ASAP1: variants seen among roughly 807,000 people sequenced by gnomAD.
ASAP1 encodes arf-GAP with SH3 domain, ANK repeat and PH domain-containing protein 1.
A neutral mutation model predicts 145.2 loss-of-function variants in ASAP1; 43 were observed. The ratio of observed to expected loss-of-function variants is 0.30; its 90% CI spans 0.23 to 0.38. The LOEUF (loss-of-function observed/expected upper bound fraction) is 0.38, where lower values mean the gene tolerates loss of function less well. ASAP1 is among the 10% of genes least tolerant of loss of function. ASAP1 has a pLI of 1.00. For synonymous variants in ASAP1, 546 were observed against 515.5 expected (o/e 1.06, Z -0.80); for missense variants, 1,018 against 1,355.3 (o/e 0.75, Z 3.91).
intron 4 of ASAP1, among the ~76,000 whole-genome samples, chr8:130,215,101 C>T (rs1016928036): frequency 6.6e-6 from 1 of 151,892 alleles, no homozygotes. Flanking sequence ...AGGGTTTCAC[C>T]AAGTTGGTGA....
intron 2 of ASAP1, among the ~76,000 whole-genome samples, chr8:130,365,557 C>T (rs796813622): frequency 1.4e-4 from 21 of 152,174 alleles, no homozygotes; most frequent in African/African-American, 4.8e-4. Context: ...TACAATACAC[C>T]CAGGTTTCTT....
At chr8:130,206,850 G>C (rs1816256524) in intron 5 of ASAP1, among the ~76,000 whole-genome samples, 1 of 151,812 alleles carries the variant, frequency 6.6e-6, no homozygotes, top group Admixed American at 6.6e-5. Flanking sequence ...TTGCGGTTTT[G>C]GTATTAAATG....
intron 3 of ASAP1, among the ~76,000 whole-genome samples, chr8:130,338,939 C>T (rs752424853): frequency 2.6e-5 from 4 of 152,172 alleles, no homozygotes; most frequent in Non-Finnish European, 5.9e-5. Context: ...GCTGGGCAGA[C>T]AATCAAAATC....
chr8:130,204,441 A>G (rs1024951761), intron 5 of ASAP1, among the ~76,000 whole-genome samples: 16 of 152,154 alleles, frequency 1.1e-4, no homozygotes, highest in African/African-American at 3.1e-4. Flanking sequence ...CTCTTAAATA[A>G]GGGTAACTAT....
At chr8:130,394,191 G>T (rs527677691) in intron 2 of ASAP1, among the ~76,000 whole-genome samples, 1 of 152,284 alleles carries the variant, frequency 6.6e-6, no homozygotes, top group African/African-American at 2.4e-5. Flanking sequence ...GAGCTGGGCG[G>T]AACAGAGCCA....
intron 11 of ASAP1, among the ~76,000 whole-genome samples, chr8:130,164,391 A>T (rs2097675831): frequency 6.6e-6 from 1 of 152,188 alleles, no homozygotes; most frequent in African/African-American, 2.4e-5. Flanking sequence ...GGAGTTCGAG[A>T]CCAGCCTGGC....
intron 1 of ASAP1, among the ~76,000 whole-genome samples, chr8:130,438,995 G>A (rs1238519813): frequency 6.6e-6 from 1 of 152,240 alleles, no homozygotes; most frequent in Non-Finnish European, 1.5e-5. Flanking sequence ...AATGGAAAAT[G>A]AAGGTTGCAG....
chr8:130,225,667 G>A (rs899935608), intron 4 of ASAP1, among the ~76,000 whole-genome samples: 1 of 152,192 alleles, frequency 6.6e-6, no homozygotes, highest in African/African-American at 2.4e-5. Context: ...AGATAATTGA[G>A]CAGAAACTTG....
At chr8:130,158,824 A>C (rs1351471244) in intron 12 of ASAP1, among the ~76,000 whole-genome samples, 3 of 151,442 alleles carry the variant, frequency 2.0e-5, no homozygotes, top group African/African-American at 7.3e-5. Context: ...CTCTGCCTCC[A>C]GGGTTCGCAC....
intron 5 of ASAP1, among the ~76,000 whole-genome samples, chr8:130,202,921 C>T (rs553554001): frequency 6.6e-6 from 1 of 152,184 alleles, no homozygotes; most frequent in African/African-American, 2.4e-5. Flanking sequence ...TAGTTCAAGA[C>T]TGCATCAGCG....
At chr8:130,268,352 T>C (rs565995199) in intron 3 of ASAP1, among the ~76,000 whole-genome samples, 36 of 152,040 alleles carry the variant, frequency 2.4e-4, no homozygotes, top group African/African-American at 7.2e-4. Context: ...CCAGGTGTGA[T>C]AGTGTGCACC....
At chr8:130,096,664 G>A (rs968317197) in intron 24 of ASAP1, among the ~76,000 whole-genome samples, 1 of 152,198 alleles carries the variant, frequency 6.6e-6, no homozygotes, top group African/African-American at 2.4e-5. Flanking sequence ...GGGTTTACAT[G>A]TTAGTTTAGC....
At chr8:130,140,360 CT>C (rs1305950960) in intron 13 of ASAP1, among the ~76,000 whole-genome samples, 7 of 148,134 alleles carry the variant, frequency 4.7e-5, no homozygotes, top group East Asian at 3.9e-4. Context: ...TTCTTTCTTT[CT>C]TTTTTTTTTA....
chr8:130,404,249 C>A (rs1828928426), intron 1 of ASAP1, among the ~76,000 whole-genome samples: 1 of 152,158 alleles, frequency 6.6e-6, no homozygotes, highest in Admixed American at 6.5e-5. Context: ...ATGCCAACAG[C>A]AATTGAATCT....
chr8:130,122,286 T>C (rs1335846030), intron 18 of ASAP1, among the ~76,000 whole-genome samples: 1 of 152,230 alleles, frequency 6.6e-6, no homozygotes, highest in Non-Finnish European at 1.5e-5. Context: ...TCTGTCTTGT[T>C]TGCTACTGTA....
chr8:130,176,241 G>A (rs1162338664), intron 9 of ASAP1, among the ~76,000 whole-genome samples: 1 of 152,044 alleles, frequency 6.6e-6, no homozygotes, highest in Non-Finnish European at 1.5e-5. Flanking sequence ...ATCACTTTGG[G>A]AACTGAAGTA....
intron 3 of ASAP1, among the ~76,000 whole-genome samples, chr8:130,341,218 C>A (rs530327495): frequency 6.6e-6 from 1 of 152,116 alleles, no homozygotes; most frequent in Non-Finnish European, 1.5e-5. Flanking sequence ...TGCAGGGCGC[C>A]AGGAAGGCCA....
intron 3 of ASAP1, among the ~76,000 whole-genome samples, chr8:130,283,587 G>GAAAAAAAAAAAAAAAAA (rs71304303): frequency 1.0e-3 from 21 of 20,872 alleles, no homozygotes; most frequent in African/African-American, 3.4e-3. Context: ...ATCACAGAAA[G>GAAAAAAAAAAAAAAAAA]AAAAAAAAAA....
intron 5 of ASAP1, among the ~76,000 whole-genome samples, chr8:130,209,726 G>A (rs146298863): frequency 3.5e-4 from 53 of 152,122 alleles, no homozygotes; most frequent in African/African-American, 1.3e-3. Flanking sequence ...GTTGTTTTGA[G>A]GAAAAGTACT....
Sources: gnomAD v4.1 joint callset for allele counts (sites outside exome capture counted in the v4.1 genomes callset) on GRCh38, gnomAD v4.1.1 for gene constraint, MANE v1.5 for transcripts, NCBI Gene and HGNC (gene_info 2026-07-23, HGNC 2026-07-21) for gene names.